FSTL4: variants seen among roughly 807,000 people sequenced by gnomAD.
FSTL4 encodes the protein follistatin like 4.
A neutral mutation model predicts 78.2 loss-of-function variants in FSTL4; 28 were observed. The observed-to-expected ratio is 0.36, with a 90% CI of 0.27 to 0.49. FSTL4 has a LOEUF of 0.49. Among genes scored for constraint, FSTL4 ranks in the 20% least tolerant of loss-of-function variants. The pLI, the probability that FSTL4 is intolerant of heterozygous loss-of-function variation, is 0.98. For missense variants in FSTL4, 922 were observed against 1,084.9 expected (o/e 0.85, Z 2.11); for synonymous variants, 422 against 440.5 (o/e 0.96, Z 0.53).
At chr5:133,682,482 T>C in the FSTL4 span, among the ~76,000 whole-genome samples, 1 of 152,262 alleles carries the variant, frequency 6.6e-6, no homozygotes, top group South Asian at 2.1e-4. Context: ...TAAACTCCAA[T>C]GCTGGCAATA....
intron 3 of FSTL4, among the ~76,000 whole-genome samples, chr5:133,466,324 T>G (rs933948320): frequency 1.3e-5 from 2 of 152,062 alleles, no homozygotes; most frequent in Non-Finnish European, 2.9e-5. Flanking sequence ...GGGCAGATCA[T>G]GGGGTCAGGA....
the FSTL4 span, among the ~76,000 whole-genome samples, chr5:133,681,179 C>T: frequency 2.0e-5 from 3 of 152,352 alleles, no homozygotes; most frequent in South Asian, 4.1e-4. Flanking sequence ...CCTCCTGCTT[C>T]GTTTCCAGAT....
At chr5:133,832,840 C>T in the FSTL4 span, among the ~76,000 whole-genome samples, 8 of 152,158 alleles carry the variant, frequency 5.3e-5, no homozygotes, top group East Asian at 3.8e-4. Flanking sequence ...CCAACTCTGC[C>T]GTTGTGGCAC....
rs113978887 is a variant in FSTL4, at chr5:133,561,523, C to T, written c.160+5663G>A. On this transcript the variant is annotated intron_variant, in intron 3 of 15. Transcript: ENST00000265342. ...TCTGAGACGGTGAGCAGGCAGGACT[C>T]TGAGCTGCAGCTGCTTGTGGCCATC... Among the ~76,000 whole-genome samples, 193 of 152,228 alleles carry T rather than the reference C, an allele frequency of 1.3e-3. 1 individual carries two copies. The highest frequency in any genetic ancestry group is 2.4e-3 in the Non-Finnish European group (162 of 68,016).
intron 3 of FSTL4, among the ~76,000 whole-genome samples, chr5:133,510,379 T>C (rs905822286): frequency 2.0e-5 from 3 of 152,180 alleles, no homozygotes; most frequent in Non-Finnish European, 4.4e-5. Context: ...TGCTTATTTC[T>C]ATATAAAAAA....
chr5:133,716,287 T>G, the FSTL4 span, among the ~76,000 whole-genome samples: 24 of 152,098 alleles, frequency 1.6e-4, no homozygotes, highest in African/African-American at 5.5e-4. Flanking sequence ...ATGTAGACCA[T>G]CAGGAAGAGT....
At chr5:133,445,393 C>T (rs1204553931) in intron 3 of FSTL4, among the ~76,000 whole-genome samples, 1 of 151,808 alleles carries the variant, frequency 6.6e-6, no homozygotes, top group African/African-American at 2.4e-5. Flanking sequence ...GGAGTGCTCC[C>T]TCAGATCACT....
intron 4 of FSTL4, among the ~76,000 whole-genome samples, chr5:133,384,944 T>A (rs1755663751): frequency 6.6e-6 from 1 of 152,120 alleles, no homozygotes; most frequent in Non-Finnish European, 1.5e-5. Context: ...CCTAGAAGAC[T>A]CCCCTCCTCT....
the FSTL4 span, among the ~76,000 whole-genome samples, chr5:133,675,106 G>T: frequency 6.6e-6 from 1 of 151,972 alleles, no homozygotes. Context: ...GGGCAGGGGG[G>T]TCCACGGGGG....
At chr5:133,638,221 C>T in the FSTL4 span, among the ~76,000 whole-genome samples, 1 of 152,144 alleles carries the variant, frequency 6.6e-6, no homozygotes, top group African/African-American at 2.4e-5. Flanking sequence ...ACAGCCACCA[C>T]TCCCTTACAG....
rs190655920 is a variant in FSTL4 at position 133,471,723 on chromosome 5, T to C, written c.161-70737A>G. 2.6e-5 allele frequency among the ~76,000 whole-genome samples: 4 copies of C among 152,342 alleles called. No homozygotes were observed. In the East Asian group the frequency reaches 7.7e-4, roughly 29 times the overall value. ...CTAACACAGGGATGATCCTAATAGC[T>C]TCCAGATAGATTAAATGGGTCACCC... On this transcript the variant is annotated intron_variant, in intron 3 of 15. Transcript: ENST00000265342.
At chr5:133,709,768 G>C in the FSTL4 span, among the ~76,000 whole-genome samples, 40 of 152,332 alleles carry the variant, frequency 2.6e-4, no homozygotes, top group Non-Finnish European at 4.7e-4. Context: ...GTAGCATAAG[G>C]CTCATCCAAA....
chr5:133,419,031 A>G (rs539991646), intron 3 of FSTL4, among the ~76,000 whole-genome samples: 116 of 152,338 alleles, frequency 7.6e-4, no homozygotes, highest in African/African-American at 2.6e-3. Context: ...TTTACTCAGC[A>G]TAATTATTTT....
chr5:133,822,779 G>A, the FSTL4 span, among the ~76,000 whole-genome samples: 21 of 152,180 alleles, frequency 1.4e-4, no homozygotes, highest in African/African-American at 4.6e-4. Context: ...GAACTCTAAC[G>A]CCATGCAAAA....
chr5:133,603,389 A>T (rs922280720), intron 2 of FSTL4, among the ~76,000 whole-genome samples: 3 of 151,528 alleles, frequency 2.0e-5, no homozygotes, highest in African/African-American at 7.3e-5. Flanking sequence ...TCATTAAAGC[A>T]CTCTCCCTTA....
the FSTL4 span, among the ~76,000 whole-genome samples, chr5:133,779,569 G>T: frequency 6.6e-6 from 1 of 151,964 alleles, no homozygotes; most frequent in Non-Finnish European, 1.5e-5. Context: ...GTGGGCGACA[G>T]AGCAAAACTC....
chr5:133,249,728 A>G (rs374817321), intron 6 of FSTL4, 152 bp from the exon 7 acceptor site: 15 of 625,904 alleles, frequency 2.4e-5, no homozygotes, highest in African/African-American at 2.2e-4. Flanking sequence ...GACTAAATGT[A>G]GAGATAGACA....
chr5:133,385,804 TGTCGA>T (rs1250917690), intron 4 of FSTL4, among the ~76,000 whole-genome samples: 3 of 152,350 alleles, frequency 2.0e-5, no homozygotes, highest in African/African-American at 4.8e-5. Flanking sequence ...ACAATTTCTT[TGTCGA>T]GTCAAGAGTG....
intron 8 of FSTL4, among the ~76,000 whole-genome samples, chr5:133,230,935 G>C (rs1751474178): frequency 6.6e-6 from 1 of 152,180 alleles, no homozygotes; most frequent in Non-Finnish European, 1.5e-5. Flanking sequence ...TGAGGACGCA[G>C]CTTCTCCTGC....
Sources: allele counts gnomAD v4.1 joint callset (sites outside exome capture counted in the v4.1 genomes callset), GRCh38; gene constraint gnomAD v4.1.1; transcripts MANE v1.5; gene names NCBI Gene and HGNC (gene_info 2026-07-23, HGNC 2026-07-21).